The following ATP8A1 variants were observed in gnomAD, a reference collection of about 807,000 sequenced individuals.
The protein encoded by ATP8A1 is ATPase phospholipid transporting 8A1, also known as phospholipid-transporting ATPase IA.
ATP8A1 carries 90 observed loss-of-function variants against 177.7 expected under a neutral mutation model. That is an observed-to-expected ratio of 0.51 (90% CI 0.43 to 0.60). The LOEUF is 0.60. Among genes scored for constraint, ATP8A1 ranks in the 20% least tolerant of loss-of-function variants. The pLI is 0.00. For missense variants in ATP8A1, 1,072 were observed against 1,392.8 expected (o/e 0.77, Z 3.67); for synonymous variants, 493 against 485.9 (o/e 1.01, Z -0.19).
At chr4:42,510,171 T>C (rs1724866509) in intron 22 of ATP8A1, among the ~76,000 whole-genome samples, 1 of 152,316 alleles carries the variant, frequency 6.6e-6, no homozygotes, top group South Asian at 2.1e-4. Context: ...ATAATATGGA[T>C]GGTTATTAGA....
At chr4:42,428,028 C>T (rs1274639397) in intron 33 of ATP8A1, among the ~76,000 whole-genome samples, 1 of 152,166 alleles carries the variant, frequency 6.6e-6, no homozygotes, top group Non-Finnish European at 1.5e-5. Flanking sequence ...ATGTGCATCC[C>T]TCGGTCTGAA....
chr4:42,607,238 GA>G lies in ATP8A1; in HGVS notation c.410-6721del, dbSNP rs1365388158. The stretch of plus-strand genomic sequence containing the variant: ...AAATACAAAACCAGAATACAGAAAT[GA>G]AGAAAGGAAATACACAAACTTGAGG... On this transcript the variant is annotated intron_variant, in intron 5 of 36. Transcript: ENST00000381668. Among the ~76,000 whole-genome samples the G allele has an allele frequency of 4.6e-5, 7 of 152,284 alleles. No homozygotes were observed. In the East Asian group the frequency reaches 1.3e-3, roughly 29 times the overall value.
intron 5 of ATP8A1, among the ~76,000 whole-genome samples, chr4:42,615,179 A>G (rs1736778111): frequency 6.6e-6 from 1 of 152,206 alleles, no homozygotes; most frequent in Non-Finnish European, 1.5e-5. Context: ...ATATTTTGCA[A>G]ATTTATTAAT....
chr4:42,427,705 A>G (rs1560312245), intron 33 of ATP8A1, among the ~76,000 whole-genome samples: 1 of 152,248 alleles, frequency 6.6e-6, no homozygotes, highest in Non-Finnish European at 1.5e-5. Context: ...TAGTCCTGAA[A>G]GCATCCCCTG....
intron 8 of ATP8A1, among the ~76,000 whole-genome samples, chr4:42,587,755 C>T (rs34628957): frequency 0.18 from 27,534 of 151,666 alleles, 2,505 homozygotes; most frequent in East Asian, 0.26. Context: ...TACAGGCGCC[C>T]GCCACCATGC....
At position 42,548,935 on chromosome 4, in the gene ATP8A1, C is replaced by A. The variant is rs182640801; in HGVS notation, c.1652+78G>T. Reference sequence around the variant, plus strand: ...GTTAAATAAAAACAAAACATACTTTCTAGTTATTCAAAAGGGAAAAAATAA... The same window carrying A: ...GTTAAATAAAAACAAAACATACTTTATAGTTATTCAAAAGGGAAAAAATAA... On this transcript the variant is annotated intron_variant, in intron 19 of 36. Transcript: ENST00000381668. 7.9e-4 allele frequency: 898 copies of A among 1,133,558 alleles called. 7 individuals are homozygous for A. In the African/African-American group the frequency reaches 0.013, roughly 16 times the overall value. 70.2% of individuals were successfully genotyped at this position (1,133,558 alleles called of 1,614,324 possible). A position where few individuals can be genotyped will look rare whatever the true frequency, so the allele number is the denominator to read the frequency against.
chr4:42,467,829 T>G (rs1027556907), intron 25 of ATP8A1, among the ~76,000 whole-genome samples: 1 of 152,250 alleles, frequency 6.6e-6, no homozygotes, highest in African/African-American at 2.4e-5. Context: ...ATTCATGTCC[T>G]TAGCCCATTT....
At chr4:42,416,828 C>G (rs1713297918) in intron 35 of ATP8A1, among the ~76,000 whole-genome samples, 1 of 152,076 alleles carries the variant, frequency 6.6e-6, no homozygotes, top group South Asian at 2.1e-4. Flanking sequence ...ACCTTTACCC[C>G]CAAGATGCTG....
In ATP8A1 at chr4:42,482,708, T is replaced by C. The variant is rs567494617; in HGVS notation, c.2324+2788A>G. Among the ~76,000 whole-genome samples, 3 of 152,308 alleles carry C rather than the reference T, an allele frequency of 2.0e-5. No individual in the cohort carries two copies. The East Asian group carries it at 5.8e-4, about 29-fold the overall frequency. ...ATGCTGATAGTATCTGGGAAGAAAG[T>C]GGCTGATGCAATCCTGATGATGGAA... is the stretch of plus-strand genomic sequence containing the variant. On this transcript the variant is annotated intron_variant, in intron 25 of 36. Coordinates refer to ENST00000381668, the MANE Select transcript of ATP8A1 (RefSeq NM_006095.2).
intron 22 of ATP8A1, among the ~76,000 whole-genome samples, chr4:42,513,694 T>C (rs1025144604): frequency 2.0e-5 from 3 of 152,164 alleles, no homozygotes; most frequent in Admixed American, 6.5e-5. Context: ...CAGCAGGGAA[T>C]GGAAATGGAA....
chr4:42,515,736 A>G (rs997525480), intron 22 of ATP8A1, among the ~76,000 whole-genome samples: 6 of 152,342 alleles, frequency 3.9e-5, no homozygotes, highest in Non-Finnish European at 8.8e-5. Context: ...AAAAGGCAGA[A>G]ATTCTTCTAT....
intron 22 of ATP8A1, among the ~76,000 whole-genome samples, chr4:42,510,988 G>T (rs376630027): frequency 1.3e-5 from 2 of 152,128 alleles, no homozygotes; most frequent in African/African-American, 2.4e-5. Context: ...TCCTTAAGAA[G>T]AATAATAAAA....
chr4:42,655,026 C>G (rs1414735321), intron 1 of ATP8A1, among the ~76,000 whole-genome samples: 1 of 152,226 alleles, frequency 6.6e-6, no homozygotes, highest in Non-Finnish European at 1.5e-5. Context: ...CTATAATAAA[C>G]TGGAATCAAC....
At chr4:42,416,390 T>C (rs1713245422) in intron 35 of ATP8A1, among the ~76,000 whole-genome samples, 1 of 152,178 alleles carries the variant, frequency 6.6e-6, no homozygotes, top group South Asian at 2.1e-4. Context: ...CCTTCCTAAA[T>C]GCATAATACT....
intron 22 of ATP8A1, among the ~76,000 whole-genome samples, chr4:42,514,640 T>C (rs1228132001): frequency 1.3e-5 from 2 of 152,184 alleles, no homozygotes; most frequent in Non-Finnish European, 2.9e-5. Context: ...ATTGATTTCA[T>C]TTTATTTTTC....
In ATP8A1 at chr4:42,590,812, T is replaced by C; in HGVS notation, c.523A>G (p.Ser175Gly). ...CCTATACGACTCAGTGGTTCTAACC[T>C]TGAGGACAGACTGATGAGATCTGCT... ...LPADLISLSS[S>G]EPQAMCYIET... The change falls in exon 7 of 37, where the codon AGT becomes GGT. Residue 175 changes from serine (S) to glycine (G), a missense_variant and splice_region_variant. Around this residue, in one of 5 missense-constraint regions of ATP8A1, gnomAD observed 344 missense variants for 393.5 expected, o/e 0.87. Transcript: ENST00000381668. 3 of 1,613,910 alleles carry C rather than the reference T, an allele frequency of 1.9e-6. No individual in the cohort carries two copies. The highest frequency in any genetic ancestry group is 2.5e-6 in the Non-Finnish European group (3 of 1,179,856).
intron 19 of ATP8A1, among the ~76,000 whole-genome samples, chr4:42,544,241 C>T (rs1367668229): frequency 6.6e-6 from 1 of 152,124 alleles, no homozygotes; most frequent in South Asian, 2.1e-4. Context: ...TCCTAAGAAA[C>T]CTACAAGAGC....
chr4:42,456,121 T>A (rs909464476), intron 27 of ATP8A1, among the ~76,000 whole-genome samples: 1 of 152,200 alleles, frequency 6.6e-6, no homozygotes, highest in Non-Finnish European at 1.5e-5. Context: ...GAGAGTGTCA[T>A]ACTCTGCTCC....
At chr4:42,435,461 A>AAAAAAAAAAAAAAAAACAAC (rs1553871738) in intron 33 of ATP8A1, among the ~76,000 whole-genome samples, 1 of 122,346 alleles carries the variant, frequency 8.2e-6, no homozygotes. Context: ...AAAAAAAAAA[A>AAAAAAAAAAAAAAAAACAAC]AACAAACTAT....
Sources: allele counts gnomAD v4.1 joint callset (sites outside exome capture counted in the v4.1 genomes callset), GRCh38; gene constraint gnomAD v4.1.1; regional missense constraint gnomAD v4.1.1; transcripts MANE v1.5; gene names NCBI Gene and HGNC (gene_info 2026-07-23, HGNC 2026-07-21).